The following JMJD1C variants were observed in gnomAD, a reference collection of about 807,000 sequenced individuals.
JMJD1C encodes the protein jumonji domain-containing protein 1C.
Under a neutral mutation model 245.3 loss-of-function variants are expected in JMJD1C, and 31 were observed. That is an observed-to-expected ratio of 0.13 (90% confidence interval 0.09 to 0.17). JMJD1C has a LOEUF of 0.17. Ranked by LOEUF, JMJD1C falls within the 10% of genes least tolerant of loss-of-function variation. The pLI, the probability that JMJD1C is intolerant of heterozygous loss-of-function variation, is 1.00. For synonymous variants in JMJD1C, 1,057 were observed against 1,017.4 expected, an observed-to-expected ratio of 1.04 and a Z score of -0.74; for missense variants, 2,691 against 3,000.2, an observed-to-expected ratio of 0.90 and a Z score of 2.41.
At chr10:63,374,597 A>G (rs112787540) in intron 2 of JMJD1C, among the ~76,000 whole-genome samples, 1 of 152,330 alleles carries the variant, frequency 6.6e-6, no homozygotes, top group Non-Finnish European at 1.5e-5. Flanking sequence ...TACTACTATG[A>G]ATATACATTT....
chr10:63,502,712 A>G (rs1029680309), intron 1 of JMJD1C, among the ~76,000 whole-genome samples: 1 of 151,654 alleles, frequency 6.6e-6, no homozygotes, highest in Admixed American at 6.6e-5. Flanking sequence ...TGCCAATATA[A>G]TATATTCTTT....
At chr10:63,337,634 G>GAAAA in intron 2 of JMJD1C, among the ~76,000 whole-genome samples, 1 of 142,548 alleles carries the variant, frequency 7.0e-6, no homozygotes, top group Non-Finnish European at 1.5e-5. Context: ...AAAAAGAAAA[G>GAAAA]AAAAAAAATC....
At position 63,305,284 on chromosome 10, in the gene JMJD1C, C is replaced by T. The variant is rs978857625; in HGVS notation, c.334-40520G>A. Among the ~76,000 whole-genome samples, 9 of 150,930 alleles carry T rather than the reference C, an allele frequency of 6.0e-5. No homozygotes were observed. The East Asian group carries it at 9.8e-4, about 16-fold the overall frequency. ...TCGGGAGGCTGAGGCAGGAGAATCG[C>T]TTGAACCCGGAAGGCAGAGGCTGCA... On this transcript the variant is annotated intron_variant, in intron 2 of 25. Transcript: ENST00000399262.
chr10:63,168,308 G>T, intron 25 of JMJD1C, 127 bp downstream of exon 25: 3 of 1,010,238 alleles, frequency 3.0e-6, no homozygotes, highest in Non-Finnish European at 4.4e-6. Flanking sequence ...AATACATGTT[G>T]GTGTTAATCT....
In JMJD1C at chr10:63,497,485, C is replaced by T. The variant is rs148442392; in HGVS notation, n.113+24253G>A. On this transcript the variant is annotated intron_variant and non_coding_transcript_variant, in intron 1 of 3. Coordinates refer to the JMJD1C transcript ENST00000633035. ...AGAAGGATATTAGCGTTTGCCTCAG[C>T]CAGATGGGTTGAAGGAAATGGGAAG... Among the ~76,000 whole-genome samples the T allele has an allele frequency of 2.6e-3, 394 of 152,230 alleles. 2 individuals are homozygous for T. Among genetic ancestry groups the T allele is most frequent in the African/African-American group, 8.9e-3 (370 of 41,554 alleles).
chr10:63,329,469 C>A (rs1941896637), intron 2 of JMJD1C, among the ~76,000 whole-genome samples: 1 of 103,358 alleles, frequency 9.7e-6, no homozygotes. Flanking sequence ...AAAACTATCT[C>A]CATCAATTGA....
At position 63,445,306 on chromosome 10, in the gene JMJD1C, G is replaced by C. The variant is rs150197112; in HGVS notation, c.168+20189C>G. On this transcript the variant is annotated intron_variant, in intron 1 of 25. Coordinates refer to ENST00000399262, the MANE Select transcript of JMJD1C (RefSeq NM_032776.3). ...TAGATGATAGAAAATGTTGACAGAG[G>C]AGGGAAGAGGTCAATTTTAGATAAG... Among the ~76,000 whole-genome samples the C allele has an allele frequency of 2.6e-3, 390 of 152,296 alleles. 3 individuals are homozygous for C. The South Asian group carries it at 0.029, about 11-fold the overall frequency.
chr10:63,258,833 C>A (rs1854324085), intron 3 of JMJD1C, among the ~76,000 whole-genome samples: 1 of 152,092 alleles, frequency 6.6e-6, no homozygotes, highest in Admixed American at 6.5e-5. Context: ...AGACTTTTAT[C>A]AACTTTAAAA....
At chr10:63,478,838 T>C (rs954893656) in intron 1 of JMJD1C, among the ~76,000 whole-genome samples, 1 of 152,166 alleles carries the variant, frequency 6.6e-6, no homozygotes, top group Non-Finnish European at 1.5e-5. Context: ...ACATGGTGCA[T>C]ACCTACAGTC....
At chr10:63,413,375 T>C (rs963013760) in intron 1 of JMJD1C, among the ~76,000 whole-genome samples, 1 of 152,184 alleles carries the variant, frequency 6.6e-6, no homozygotes, top group Non-Finnish European at 1.5e-5. Flanking sequence ...TTTACCTCTG[T>C]TAAATAACAT....
intron 2 of JMJD1C, among the ~76,000 whole-genome samples, chr10:63,295,225 T>C (rs915731369): frequency 6.6e-6 from 1 of 151,442 alleles, no homozygotes; most frequent in African/African-American, 2.4e-5. Context: ...TCCCTGAGTA[T>C]CTCAGAACAC....
At chr10:63,193,893 C>T (rs1845141523) in intron 14 of JMJD1C, among the ~76,000 whole-genome samples, 1 of 152,230 alleles carries the variant, frequency 6.6e-6, no homozygotes, top group African/African-American at 2.4e-5. Context: ...GTCTCGATCT[C>T]CTGACCTCGT....
At chr10:63,361,738 A>AG (rs1439783947) in intron 2 of JMJD1C, among the ~76,000 whole-genome samples, 58 of 150,630 alleles carry the variant, frequency 3.9e-4, no homozygotes, top group African/African-American at 1.3e-3. Flanking sequence ...AAAAAAAAAA[A>AG]AAAAAAAAAG....
chr10:63,236,683 C>T (rs999857500), intron 3 of JMJD1C, among the ~76,000 whole-genome samples: 1 of 152,110 alleles, frequency 6.6e-6, no homozygotes, highest in African/African-American at 2.4e-5. Flanking sequence ...AAAGTAGTAA[C>T]TGAAAATATT....
At chr10:63,179,687 C>A (rs890996857) in intron 22 of JMJD1C, among the ~76,000 whole-genome samples, 4 of 151,352 alleles carry the variant, frequency 2.6e-5, no homozygotes, top group Non-Finnish European at 5.9e-5. Context: ...GTGGGAGGAT[C>A]TTTTGAGTCC....
chr10:63,239,825 A>C (rs907058818), intron 3 of JMJD1C, among the ~76,000 whole-genome samples: 4 of 152,206 alleles, frequency 2.6e-5, no homozygotes, highest in African/African-American at 9.7e-5. Context: ...AGGAAGAAAA[A>C]CGAAATCAAG....
chr10:63,200,417 A>G (rs1056660774), intron 11 of JMJD1C, 59 bp downstream of exon 11: 22 of 1,294,984 alleles, frequency 1.7e-5, no homozygotes, highest in African/African-American at 1.2e-4. Context: ...ATAACACTAT[A>G]TAATTTCCAA....
intron 3 of JMJD1C, among the ~76,000 whole-genome samples, chr10:63,232,084 T>C (rs1448285817): frequency 1.3e-5 from 2 of 152,130 alleles, no homozygotes; most frequent in East Asian, 3.9e-4. Context: ...GTGATCCACC[T>C]GCCTCGGCCT....
rs1435447475 is a variant in JMJD1C, at chr10:63,207,734, C to A, written c.3935G>T (p.Ser1312Ile). The A allele has an allele frequency of 6.2e-7, 1 of 1,614,182 alleles. No homozygotes were observed. Among genetic ancestry groups the A allele is most frequent in the Non-Finnish European group, 8.5e-7 (1 of 1,180,030 alleles). Residue 1312 changes from serine to isoleucine, a missense_variant, in exon 10 of 26, where the codon AGT (serine) becomes ATT (isoleucine). Ser to Ile is a moderately radical substitution (Grantham distance 142). Coordinates refer to ENST00000399262, the MANE Select transcript of JMJD1C (RefSeq NM_032776.3). ...TGCTGGCATACTATCAGTTTTTGTA[C>A]TAGAAGATGGACGCACAATGACAGA... ...MASVIVRPSS[S>I]TKTDSMPAMQ...
Sources: allele counts gnomAD v4.1 joint callset (sites outside exome capture counted in the v4.1 genomes callset), GRCh38; gene constraint gnomAD v4.1.1; transcripts MANE v1.5; gene names NCBI Gene and HGNC (gene_info 2026-07-23, HGNC 2026-07-21).